Variants in CDK5RAP1 observed in about 807,000 individuals in gnomAD.
The protein encoded by CDK5RAP1 is mitochondrial tRNA methylthiotransferase CDK5RAP1.
CDK5RAP1 carries 62 observed loss-of-function variants against 64.5 expected under a neutral mutation model. The ratio of observed to expected loss-of-function variants is 0.96; its 90% confidence interval spans 0.78 to 1.19. The LOEUF (loss-of-function observed/expected upper bound fraction) is 1.19. Among genes scored for constraint, CDK5RAP1 ranks in the 50% most tolerant of loss-of-function variants. The probability of loss-of-function intolerance (pLI) is 0.00; values close to 1 mark genes in which losing one functional copy is unlikely to be tolerated. For synonymous variants in CDK5RAP1, 250 were observed against 261.9 expected (o/e 0.95, Z 0.44); for missense variants, 657 against 735.0 (o/e 0.89, Z 1.23).
chr20:33,393,917 G>C (rs554879496), intron 4 of CDK5RAP1, 115 bp downstream of exon 4: 48 of 771,996 alleles, frequency 6.2e-5, no homozygotes, highest in South Asian at 5.8e-4. Flanking sequence ...AAAACTGCAA[G>C]TCCTACTGCC....
At chr20:33,359,175 G>C (rs758442937) in intron 13 of CDK5RAP1, 52 bp from the exon 14 acceptor site, 2 of 1,337,432 alleles carry the variant, frequency 1.5e-6, no homozygotes, top group Middle Eastern at 1.8e-4. Flanking sequence ...TGTAGCACTG[G>C]GACTTCATGT....
intron 5 of CDK5RAP1, among the ~76,000 whole-genome samples, chr20:33,390,774 T>A (rs1306857386): frequency 1.3e-5 from 2 of 152,118 alleles, no homozygotes; most frequent in Admixed American, 1.3e-4. Context: ...ACTACATGGA[T>A]CTGATAACTA....
At chr20:33,389,335 C>T (rs1344966651) in intron 5 of CDK5RAP1, among the ~76,000 whole-genome samples, 1 of 149,752 alleles carries the variant, frequency 6.7e-6, no homozygotes, top group Non-Finnish European at 1.5e-5. Flanking sequence ...AAGTGAGGAG[C>T]CCCTCCGCGC....
intron 12 of CDK5RAP1, among the ~76,000 whole-genome samples, chr20:33,365,275 T>C (rs1456827211): frequency 6.6e-6 from 1 of 151,882 alleles, no homozygotes; most frequent in Admixed American, 6.5e-5. Context: ...TGTTGTTGTT[T>C]ATTTGGGTTT....
chr20:33,372,818 A>G, intron 9 of CDK5RAP1, 121 bp from the exon 10 acceptor site: 1 of 653,172 alleles, frequency 1.5e-6, no homozygotes, highest in Non-Finnish European at 2.7e-6. Context: ...GGCAGGGCAC[A>G]CGAGTAAATT....
intron 8 of CDK5RAP1, among the ~76,000 whole-genome samples, chr20:33,375,864 A>G (rs1390597583): frequency 6.6e-6 from 1 of 152,082 alleles, no homozygotes; most frequent in Non-Finnish European, 1.5e-5. Flanking sequence ...TTATATTTAT[A>G]TTTTTTAAAT....
chr20:33,397,133 A>C, intron 1 of CDK5RAP1, 49 bp from the exon 2 acceptor site: 1 of 1,397,612 alleles, frequency 7.2e-7, no homozygotes, highest in Non-Finnish European at 9.7e-7. Context: ...CACTATGGAC[A>C]GGACACTGCT....
At chr20:33,367,059 G>A (rs373592092) in intron 11 of CDK5RAP1, 51 bp from the exon 12 acceptor site, 8 of 1,554,482 alleles carry the variant, frequency 5.1e-6, no homozygotes, top group East Asian at 2.2e-5. Flanking sequence ...AGGACTTGTA[G>A]AATCTATTCT....
intron 3 of CDK5RAP1, 96 bp downstream of exon 3, chr20:33,394,916 AG>A: frequency 2.6e-6 from 2 of 758,210 alleles, no homozygotes; most frequent in Non-Finnish European, 4.8e-6. Flanking sequence ...CTCTCTCACC[AG>A]GGGGCACCCT....
Position 33,366,965 on chromosome 20 carries a change from T to G in CDK5RAP1, c.1436A>C (p.Glu479Ala). 1 of 1,613,132 alleles carries G rather than the reference T, an allele frequency of 6.2e-7. No individual in the cohort carries two copies. The highest frequency in any genetic ancestry group is 8.5e-7 in the Non-Finnish European group (1 of 1,179,788). The change falls in exon 12 of 14, where the codon GAG becomes GCG. Residue 479 changes from glutamate (E) to alanine (A), a missense_variant. Physicochemically the swap from Glu to Ala is moderately radical, Grantham distance 107. Transcript: ENST00000346416. ...YHRLKDDVPEEVKLRRLEELI... is the reference protein window; with the variant it reads ...YHRLKDDVPEAVKLRRLEELI... ...TTCCTCCAAACGCCTTAATTTTACCTCTTCCGGGACATCATCCTTCAGCCT... is the reference window on the plus strand; with the variant it reads ...TTCCTCCAAACGCCTTAATTTTACCGCTTCCGGGACATCATCCTTCAGCCT...
At position 33,396,911 on chromosome 20, in the gene CDK5RAP1, G is replaced by A. The variant is rs1988950441; in HGVS notation, c.154C>T (p.Arg52Trp). The change falls in exon 2 of 14, where the codon CGG becomes TGG. Residue 52 changes from arginine (R) to tryptophan (W), a missense_variant. Arg to Trp is a moderately radical substitution (Grantham distance 101). Transcript: ENST00000346416. Reference sequence around the variant, plus strand: ...GCCAGCCTGGAGCTGAAATCCTTCCGAGCTCCATCCTCCTGCCTCTCTGGA... The same window carrying A: ...GCCAGCCTGGAGCTGAAATCCTTCCAAGCTCCATCCTCCTGCCTCTCTGGA... Reference protein sequence around the residue: ...PSPERQEDGARKDFSSRLAAG... With the variant: ...PSPERQEDGAWKDFSSRLAAG... 21 of 1,614,020 alleles carry A rather than the reference G, an allele frequency of 1.3e-5. No homozygotes were observed. The highest frequency in any genetic ancestry group is 2.7e-5 in the African/African-American group (2 of 74,920).
At position 33,379,488 on chromosome 20, in the gene CDK5RAP1, A is replaced by G. The variant is rs1020110229; in HGVS notation, c.1080T>C (p.Ser360=). Residue 360 remains serine, a synonymous_variant, in exon 8 of 14, where the codon TCT becomes TCC. Coordinates refer to ENST00000346416, the MANE Select transcript of CDK5RAP1 (RefSeq NM_016408.4). ...CATCAGGAAAATCCTTGGGGTGGGG[A>G]GAGGTAAAACGGATCCTCATTTCAG... ...VDPEMRIRFT[S]PHPKDFPDEV... The G allele has an allele frequency of 2.5e-6, 4 of 1,613,522 alleles. No homozygotes were observed. The highest frequency in any genetic ancestry group is 3.4e-6 in the Non-Finnish European group (4 of 1,179,468).
chr20:33,400,533 AATAAG>A (rs1989307551), intron 1 of CDK5RAP1, among the ~76,000 whole-genome samples: 1 of 152,188 alleles, frequency 6.6e-6, no homozygotes. Context: ...TGTTATTAAG[AATAAG>A]ATATTAAAAA....
At chr20:33,383,819 G>GGAGAATCA (rs1987073743) in intron 7 of CDK5RAP1, among the ~76,000 whole-genome samples, 2 of 26,124 alleles carry the variant, frequency 7.7e-5, no homozygotes, top group South Asian at 2.0e-3. Context: ...GGATAAGGCA[G>GGAGAATCA]GAGAATCGCT....
chr20:33,365,010 T>TC (rs1983637351), intron 12 of CDK5RAP1, among the ~76,000 whole-genome samples: 1 of 152,180 alleles, frequency 6.6e-6, no homozygotes, highest in East Asian at 1.9e-4. Context: ...CACATCAGCT[T>TC]CCCAAGTAGC....
chr20:33,378,282 G>A (rs1431409980), intron 8 of CDK5RAP1, among the ~76,000 whole-genome samples: 1 of 152,178 alleles, frequency 6.6e-6, no homozygotes, highest in Non-Finnish European at 1.5e-5. Context: ...AAGGGAGAGA[G>A]ATGGGGGAAT....
chr20:33,362,386 G>C (rs953639410), intron 12 of CDK5RAP1, among the ~76,000 whole-genome samples: 2 of 152,012 alleles, frequency 1.3e-5, no homozygotes, highest in South Asian at 4.1e-4. Context: ...GTCAACACTC[G>C]GTGAAAATAT....
intron 10 of CDK5RAP1, 70 bp from the exon 11 acceptor site, chr20:33,370,699 G>C: frequency 6.5e-7 from 1 of 1,549,460 alleles, no homozygotes; most frequent in Non-Finnish European, 8.9e-7. Context: ...TTCAGCATAT[G>C]TGGATTACAA....
chr20:33,379,290 AC>A (rs1986436843), intron 8 of CDK5RAP1, among the ~76,000 whole-genome samples, 170 bp downstream of exon 8: 1 of 152,118 alleles, frequency 6.6e-6, no homozygotes, highest in Non-Finnish European at 1.5e-5. Context: ...GTGCCCAGCC[AC>A]TGGTGGACTT....
Sources: allele counts gnomAD v4.1 joint callset (sites outside exome capture counted in the v4.1 genomes callset), GRCh38; gene constraint gnomAD v4.1.1; transcripts MANE v1.5; gene names NCBI Gene and HGNC (gene_info 2026-07-23, HGNC 2026-07-21).